The following FTO variants were observed in gnomAD, a reference collection of about 807,000 sequenced individuals.
FTO encodes the protein alpha-ketoglutarate-dependent dioxygenase FTO.
In FTO, 47 loss-of-function variants were observed where a neutral mutation model predicts 63.9. The ratio of observed to expected loss-of-function variants is 0.74; its 90% CI spans 0.58 to 0.94. The LOEUF (loss-of-function observed/expected upper bound fraction) is 0.94, where lower values mean the gene tolerates loss of function less well. Ranked by LOEUF, FTO falls within the 40% of genes least tolerant of loss-of-function variation. The pLI, the probability that FTO is intolerant of heterozygous loss-of-function variation, is 0.00. For synonymous variants in FTO, 207 were observed against 224.4 expected (o/e 0.92, Z 0.69); for missense variants, 562 against 618.1 (o/e 0.91, Z 0.96).
At chr16:53,909,032 C>T (rs750882234) in intron 7 of FTO, among the ~76,000 whole-genome samples, 2 of 152,114 alleles carry the variant, frequency 1.3e-5, no homozygotes, top group Non-Finnish European at 2.9e-5. Flanking sequence ...ACTCAGCATC[C>T]TTCTCTGAGC....
At chr16:53,885,873 A>T (rs2151901667) in intron 6 of FTO, among the ~76,000 whole-genome samples, 1 of 152,222 alleles carries the variant, frequency 6.6e-6, no homozygotes, top group African/African-American at 2.4e-5. Flanking sequence ...TCAGCCATCT[A>T]AGTAGCTGGG....
chr16:53,859,332 A>G (rs181225393), intron 4 of FTO, among the ~76,000 whole-genome samples: 2 of 152,220 alleles, frequency 1.3e-5, no homozygotes, highest in East Asian at 3.9e-4. Flanking sequence ...ATTAGCAATT[A>G]AGAAGGATAG....
rs1402811525 is a variant in FTO, at chr16:54,082,464, A to G, written c.1365-29298A>G. ...CCAGAAATCTGCCTTTGGTTAAGGT[A>G]TTAGAAGATTAGGGAGTTACTCAAA... On this transcript the variant is annotated intron_variant, in intron 8 of 8. Transcript: ENST00000471389. Among the ~76,000 whole-genome samples, 9 of 152,192 alleles carry G rather than the reference A, an allele frequency of 5.9e-5. No individual in the cohort carries two copies. In the South Asian group the frequency reaches 1.9e-3, roughly 32 times the overall value.
intron 8 of FTO, among the ~76,000 whole-genome samples, chr16:54,042,022 T>C (rs1395274914): frequency 1.3e-5 from 2 of 152,210 alleles, no homozygotes; most frequent in Non-Finnish European, 2.9e-5. Flanking sequence ...AGAACCTGGC[T>C]GTGATCTCTG....
At chr16:53,863,889 C>T (rs2080239717) in intron 4 of FTO, among the ~76,000 whole-genome samples, 1 of 152,162 alleles carries the variant, frequency 6.6e-6, no homozygotes, top group African/African-American at 2.4e-5. Context: ...TCTAATTCCA[C>T]CTATACTATA....
chr16:54,027,532 T>G (rs755445633), intron 8 of FTO, among the ~76,000 whole-genome samples: 7 of 152,036 alleles, frequency 4.6e-5, no homozygotes, highest in Non-Finnish European at 7.4e-5. Flanking sequence ...TTCTTCTACT[T>G]TCCCTCTTCC....
intron 1 of FTO, among the ~76,000 whole-genome samples, chr16:53,709,955 A>G (rs1219011455): frequency 2.0e-5 from 3 of 152,166 alleles, no homozygotes; most frequent in Non-Finnish European, 2.9e-5. Flanking sequence ...TATTTCATCC[A>G]AAGTCCATAT....
chr16:53,790,585 A>G, intron 1 of FTO, among the ~76,000 whole-genome samples: 1 of 150,484 alleles, frequency 6.6e-6, no homozygotes, highest in African/African-American at 2.4e-5. Flanking sequence ...AAAGCAAAAA[A>G]AAAAAAAAAA....
intron 8 of FTO, among the ~76,000 whole-genome samples, chr16:54,108,764 C>T (rs1268410969): frequency 6.6e-6 from 1 of 152,194 alleles, no homozygotes; most frequent in East Asian, 1.9e-4. Context: ...ATTACCGTCA[C>T]CACTTGACAG....
chr16:53,856,388 C>G (rs528148487), intron 4 of FTO, among the ~76,000 whole-genome samples: 118 of 140,472 alleles, frequency 8.4e-4, no homozygotes, highest in Middle Eastern at 3.6e-3. Flanking sequence ...TATTTATTTA[C>G]CAAATAAATA....
At position 54,120,628 on chromosome 16, in the gene FTO, A is replaced by G. The variant is rs180857504; in HGVS notation, c.*8713A>G. The G allele has an allele frequency of 1.4e-4, 21 of 152,284 alleles. No homozygotes were observed. The highest frequency in any genetic ancestry group is 1.3e-3 in the Admixed American group (20 of 15,304). 9.4% of individuals were successfully genotyped at this position (152,284 alleles called of 1,614,324 possible). A position where few individuals can be genotyped will look rare whatever the true frequency, so the allele number is the denominator to read the frequency against. On this transcript the variant is annotated 3_prime_UTR_variant, in exon 9 of 9. Transcript: ENST00000471389. ...AGAAGTTATTTCAGGTGAATTATAGAAACTGGATTTCAAGTTTCTGATAAG... is the reference window on the plus strand; with the variant it reads ...AGAAGTTATTTCAGGTGAATTATAGGAACTGGATTTCAAGTTTCTGATAAG...
At chr16:53,806,772 T>G (rs968254215) in intron 1 of FTO, among the ~76,000 whole-genome samples, 1 of 152,226 alleles carries the variant, frequency 6.6e-6, no homozygotes, top group Non-Finnish European at 1.5e-5. Flanking sequence ...AGTATCCTCA[T>G]GCATATATTC....
rs145101233 is a variant in FTO at position 54,021,013 on chromosome 16, G to A, written c.1364+86904G>A. Among the ~76,000 whole-genome samples the A allele has an allele frequency of 3.8e-3, 577 of 152,214 alleles. 6 individuals are homozygous for A. The highest frequency in any genetic ancestry group is 0.01 in the Middle Eastern group (3 of 294). ...GAATTTTCCTAGGTTATGGCACCAA[G>A]AATAACTTGTACCATTTTGGAAGAT... On this transcript the variant is annotated intron_variant, in intron 8 of 8. Coordinates refer to ENST00000471389, the MANE Select transcript of FTO (RefSeq NM_001080432.3).
chr16:54,091,179 A>G (rs1013559357), intron 8 of FTO, among the ~76,000 whole-genome samples: 2 of 152,230 alleles, frequency 1.3e-5, no homozygotes, highest in Admixed American at 6.5e-5. Context: ...GGACATATGC[A>G]TGGAACAAGT....
At chr16:53,921,156 T>G (rs1184250777) in intron 7 of FTO, among the ~76,000 whole-genome samples, 1 of 152,232 alleles carries the variant, frequency 6.6e-6, no homozygotes, top group African/African-American at 2.4e-5. Context: ...ACATATTCAC[T>G]TGTCTCACTT....
chr16:53,790,982 A>G (rs1018851120), intron 1 of FTO, among the ~76,000 whole-genome samples: 2 of 152,202 alleles, frequency 1.3e-5, no homozygotes, highest in African/African-American at 2.4e-5. Flanking sequence ...AGCTTAGGTT[A>G]TAGGAATAAA....
At chr16:53,757,896 G>C (rs188906829) in intron 1 of FTO, among the ~76,000 whole-genome samples, 142 of 152,312 alleles carry the variant, frequency 9.3e-4, no homozygotes, top group Non-Finnish European at 3.4e-4. Context: ...GTTTTCTGGG[G>C]TGTGAAACAT....
At chr16:54,054,771 T>A (rs1216805129) in intron 8 of FTO, among the ~76,000 whole-genome samples, 2 of 152,170 alleles carry the variant, frequency 1.3e-5, no homozygotes, top group Non-Finnish European at 2.9e-5. Context: ...ACCATTTCAA[T>A]GTGTAGGTGA....
At chr16:53,889,251 C>A (rs991220565) in intron 7 of FTO, among the ~76,000 whole-genome samples, 3 of 152,138 alleles carry the variant, frequency 2.0e-5, no homozygotes, top group Non-Finnish European at 2.9e-5. Context: ...TTATATGCAT[C>A]AGGTGCTACT....
Sources: allele counts gnomAD v4.1 joint callset (sites outside exome capture counted in the v4.1 genomes callset), GRCh38; gene constraint gnomAD v4.1.1; transcripts MANE v1.5; gene names NCBI Gene and HGNC (gene_info 2026-07-23, HGNC 2026-07-21).